The following IL13 variants were observed in gnomAD, a reference collection of about 807,000 sequenced individuals.
IL13 encodes the protein interleukin 13.
In IL13, 9 loss-of-function variants were observed where a neutral mutation model predicts 11.1. That is an observed-to-expected ratio of 0.81 (90% CI 0.49 to 1.42). The LOEUF is 1.42. Ranked by LOEUF, IL13 falls within the 40% of genes most tolerant of loss-of-function variation. The pLI is 0.00. For synonymous variants in IL13, 75 were observed against 76.9 expected (o/e 0.97, Z 0.13); for missense variants, 181 against 182.5 (o/e 0.99, Z 0.05).
Position 132,660,439 on chromosome 5 carries a change from C to A in IL13, c.*157C>A. On this transcript the variant is annotated 3_prime_UTR_variant, in exon 4 of 4. Transcript: ENST00000304506. ...TTAGACCTCAGCCTGTGCTGCCCGT[C>A]TTCAGCCTAGCCGACCTCAGCCTTC... 7.8e-7 allele frequency: 1 copy of A among 1,288,624 alleles called. No individual in the cohort carries two copies. The highest frequency in any genetic ancestry group is 1.0e-6 in the Non-Finnish European group (1 of 970,528). The allele number at this position is 1,288,624 out of a possible 1,614,324, so 79.8% of individuals were successfully genotyped here. A position where few individuals can be genotyped will look rare whatever the true frequency, so the allele number is the denominator to read the frequency against.
chr5:132,658,273 C>A lies in IL13; in HGVS notation c.87C>A (p.Gly29=). 6.2e-7 allele frequency: 1 copy of A among 1,606,448 alleles called. No individual in the cohort carries two copies. Among genetic ancestry groups the A allele is most frequent in the Non-Finnish European group, 8.5e-7 (1 of 1,173,022 alleles). The change falls in exon 1 of 4, where the codon GGC becomes GGA. Residue 29 remains glycine, a synonymous_variant. Coordinates refer to ENST00000304506, the MANE Select transcript of IL13 (RefSeq NM_002188.3). ...LTTVIALTCL[G]GFASPGPVPP... Reference sequence around the variant, plus strand: ...CGGTCATTGCTCTCACTTGCCTTGGCGGCTTTGCCTCCCCAGGCCCTGTGC... The same window carrying A: ...CGGTCATTGCTCTCACTTGCCTTGGAGGCTTTGCCTCCCCAGGCCCTGTGC...
chr5:132,659,793 C>G lies in IL13; in HGVS notation c.298C>G (p.Leu100Val), dbSNP rs200793410. The G allele has an allele frequency of 2.7e-5, 44 of 1,613,810 alleles. No homozygotes were observed. Among genetic ancestry groups the G allele is most frequent in the Non-Finnish European group, 3.6e-5 (43 of 1,180,024 alleles). Residue 100 changes from leucine (L) to valine (V), a missense_variant, in exon 3 of 4, where the codon CTG (leucine) becomes GTG (valine). Coordinates refer to ENST00000304506, the MANE Select transcript of IL13 (RefSeq NM_002188.3). The surrounding 1 kb of genome is among the most constrained non-coding windows in gnomAD (Gnocchi z 4.1). ...CSAIEKTQRM[L>V]SGFCPHKVSA... ...TGCCATCGAGAAGACCCAGAGGATG[C>G]TGAGCGGATTCTGCCCGCACAAGGT...
Position 132,659,511 on chromosome 5 carries a change from C to A in IL13, c.228+40C>A. 6.3e-7 allele frequency: 1 copy of A among 1,587,004 alleles called. No homozygotes were observed. Among genetic ancestry groups the A allele is most frequent in the Non-Finnish European group, 8.6e-7 (1 of 1,158,316 alleles). ...GTGCAGGGAGGATGGGGCAGAGGCT[C>A]CAGGCCTTGGGCTTATCTTCTCTGA... On this transcript the variant is annotated intron_variant, in intron 2 of 3. Transcript: ENST00000304506. The surrounding 1 kb of genome is among the most constrained non-coding windows in gnomAD (Gnocchi z 4.1).
chr5:132,659,260 A>C lies in IL13; in HGVS notation c.175-158A>C. On this transcript the variant is annotated intron_variant, in intron 1 of 3. Transcript: ENST00000304506. The surrounding 1 kb of genome is among the most constrained non-coding windows in gnomAD (Gnocchi z 4.1). ...CCCCTATGCCTGCTGTTCAAAGCAG[A>C]AAACGAAGCTCAGGAATGCTGAGGG... The C allele has an allele frequency of 1.5e-6, 1 of 655,860 alleles. No individual in the cohort carries two copies. The highest frequency in any genetic ancestry group is 2.8e-6 in the Non-Finnish European group (1 of 354,124). 40.6% of individuals were successfully genotyped at this position (655,860 alleles called of 1,614,324 possible).
Position 132,659,595 on chromosome 5 carries a change from A to G in IL13, c.228+124A>G. The G allele has an allele frequency of 1.3e-6, 2 of 1,586,444 alleles. No homozygotes were observed. The highest frequency in any genetic ancestry group is 2.3e-5 in the South Asian group (2 of 88,862). ...TTCAAGTGCTCTCCTCCCTCCCGCCATAATCTGGCCCCTTCCCGCCCACCA... is the reference window on the plus strand; with the variant it reads ...TTCAAGTGCTCTCCTCCCTCCCGCCGTAATCTGGCCCCTTCCCGCCCACCA... On this transcript the variant is annotated intron_variant, in intron 2 of 3. Coordinates refer to ENST00000304506, the MANE Select transcript of IL13 (RefSeq NM_002188.3). The surrounding 1 kb of genome is among the most constrained non-coding windows in gnomAD (Gnocchi z 4.1).
chr5:132,657,498 C>CAAAA (rs560993434), upstream of IL13, among the ~76,000 whole-genome samples: 37 of 151,914 alleles, frequency 2.4e-4, no homozygotes, highest in African/African-American at 8.2e-4. Flanking sequence ...TCCAAAAAAA[C>CAAAA]AAAACAAAAC....
upstream of IL13, chr5:132,657,373 A>G (rs1239972250): frequency 1.3e-5 from 2 of 152,214 alleles, no homozygotes; most frequent in Non-Finnish European, 2.9e-5. Context: ...CTTTAAATTA[A>G]AGGGGCCAGA....
At position 132,659,543 on chromosome 5, in the gene IL13, C is replaced by A. The variant is rs1752107435; in HGVS notation, c.228+72C>A. On this transcript the variant is annotated intron_variant, in intron 2 of 3. Coordinates refer to ENST00000304506, the MANE Select transcript of IL13 (RefSeq NM_002188.3). This position sits in a 1 kb window ranked among gnomAD's most constrained non-coding sequence, Gnocchi z 4.1. Reference sequence around the variant, plus strand: ...TTGGGCTTATCTTCTCTGAGCCTCCCTTCCATGGCTGGGGTTCCAAGCAAG... The same window carrying A: ...TTGGGCTTATCTTCTCTGAGCCTCCATTCCATGGCTGGGGTTCCAAGCAAG... 1.9e-6 allele frequency: 3 copies of A among 1,557,648 alleles called. No individual in the cohort carries two copies. The highest frequency in any genetic ancestry group is 2.6e-6 in the Non-Finnish European group (3 of 1,138,204).
In IL13 at chr5:132,658,311, C is replaced by A. The variant is rs200571678; in HGVS notation, c.125C>A (p.Ala42Asp). Residue 42 changes from alanine to aspartate, a missense_variant, in exon 1 of 4, where the codon GCC (alanine) becomes GAC (aspartate). Coordinates refer to ENST00000304506, the MANE Select transcript of IL13 (RefSeq NM_002188.3). ...CCAGGCCCTGTGCCTCCCTCTACAG[C>A]CCTCAGGGAGCTCATTGAGGAGCTG... ...ASPGPVPPST[A>D]LRELIEELVN... 34 of 1,610,524 alleles carry A rather than the reference C, an allele frequency of 2.1e-5. 1 individual carries two copies. Among genetic ancestry groups the A allele is most frequent in the South Asian group, 2.2e-5 (2 of 90,960 alleles).
chr5:132,660,573 T>C lies in IL13; in HGVS notation c.*291T>C, dbSNP rs904337589. ...CCCTCCCCTGCCCTAGAGCACACTGTAGCATTACAGTGGGTGCCCCCCTTG... is the reference window on the plus strand; with the variant it reads ...CCCTCCCCTGCCCTAGAGCACACTGCAGCATTACAGTGGGTGCCCCCCTTG... On this transcript the variant is annotated 3_prime_UTR_variant, in exon 4 of 4. Transcript: ENST00000304506. 2.4e-5 allele frequency: 8 copies of C among 334,634 alleles called. No individual in the cohort carries two copies. In the South Asian group the frequency reaches 2.6e-4, roughly 11 times the overall value. 20.7% of individuals were successfully genotyped at this position (334,634 alleles called of 1,614,324 possible). A position where few individuals can be genotyped will look rare whatever the true frequency, so the allele number is the denominator to read the frequency against.
chr5:132,656,640 CG>C, upstream of IL13: 1 of 152,838 alleles, frequency 6.5e-6, no homozygotes, highest in African/African-American at 2.4e-5. Context: ...GGTAGTTCCC[CG>C]CTCCTTCCCC....
upstream of IL13, among the ~76,000 whole-genome samples, chr5:132,657,782 T>G (rs1752067148): frequency 6.6e-6 from 1 of 152,228 alleles, no homozygotes; most frequent in Admixed American, 6.5e-5. Context: ...ACAGCCACAG[T>G]GCACTAAGAC....
upstream of IL13, among the ~76,000 whole-genome samples, chr5:132,657,863 G>T (rs889143330): frequency 6.6e-6 from 1 of 152,144 alleles, no homozygotes; most frequent in Non-Finnish European, 1.5e-5. Flanking sequence ...CAGCTGTCCA[G>T]GTACTCAGGG....
Position 132,659,394 on chromosome 5 carries a change from C to G in IL13, c.175-24C>G. ...GCCCACAACCCCTGCCAGCACTCTG[C>G]TCACTGTCACTTTGCTCCCACAGGC... is the stretch of plus-strand genomic sequence containing the variant. On this transcript the variant is annotated intron_variant, in intron 1 of 3. Coordinates refer to ENST00000304506, the MANE Select transcript of IL13 (RefSeq NM_002188.3). The surrounding 1 kb of genome is among the most constrained non-coding windows in gnomAD (Gnocchi z 4.1). 6.3e-7 allele frequency: 1 copy of G among 1,585,124 alleles called. No individual in the cohort carries two copies.
rs1404846102 is a variant in IL13, at chr5:132,659,888, C to T, written c.333+60C>T. 25 of 1,586,162 alleles carry T rather than the reference C, an allele frequency of 1.6e-5. No homozygotes were observed. The highest frequency in any genetic ancestry group is 3.5e-5 in the Admixed American group (2 of 56,914). Reference sequence around the variant, plus strand: ...CACCCCCTCCTGCCAACCCTGGGCTCGCTGAAGGGAAGCTGGCTGAATATC... The same window carrying T: ...CACCCCCTCCTGCCAACCCTGGGCTTGCTGAAGGGAAGCTGGCTGAATATC... On this transcript the variant is annotated intron_variant, in intron 3 of 3. Transcript: ENST00000304506. The surrounding 1 kb of genome is among the most constrained non-coding windows in gnomAD (Gnocchi z 4.1).
chr5:132,660,319 T>C lies in IL13; in HGVS notation c.*37T>C, dbSNP rs2069749. 535 of 1,603,402 alleles carry C rather than the reference T, an allele frequency of 3.3e-4. 5 individuals carry two copies. In the African/African-American group the frequency reaches 6.4e-3, roughly 19 times the overall value. On this transcript the variant is annotated 3_prime_UTR_variant, in exon 4 of 4. Transcript: ENST00000304506. The stretch of plus-strand genomic sequence containing the variant: ...CATCATTATTTGCAGAGACAGGACC[T>C]GACTATTGAAGTTGCAGATTCATTT...
rs1752125049 is a variant in IL13, at chr5:132,660,218, C to T, written c.377C>T (p.Ala126Val). Residue 126 changes from alanine (A) to valine (V), a missense_variant, in exon 4 of 4, where the codon GCC becomes GTC. Ala to Val is a moderately conservative substitution (Grantham distance 64). Coordinates refer to ENST00000304506, the MANE Select transcript of IL13 (RefSeq NM_002188.3). The part of the protein sequence containing the change: ...LHVRDTKIEV[A>V]QFVKDLLLHL... ...GTCCGAGACACCAAAATCGAGGTGGCCCAGTTTGTAAAGGACCTGCTCTTA... is the reference window on the plus strand; with the variant it reads ...GTCCGAGACACCAAAATCGAGGTGGTCCAGTTTGTAAAGGACCTGCTCTTA... 2 of 1,614,114 alleles carry T rather than the reference C, an allele frequency of 1.2e-6. No individual in the cohort carries two copies. The highest frequency in any genetic ancestry group is 4.5e-5 in the East Asian group (2 of 44,886).
chr5:132,659,496 G>C lies in IL13; in HGVS notation c.228+25G>C. ...GGTAAGGACCTTTGGGTGCAGGGAG[G>C]ATGGGGCAGAGGCTCCAGGCCTTGG... is the stretch of plus-strand genomic sequence containing the variant. On this transcript the variant is annotated intron_variant, in intron 2 of 3. Coordinates refer to ENST00000304506, the MANE Select transcript of IL13 (RefSeq NM_002188.3). This position sits in a 1 kb window ranked among gnomAD's most constrained non-coding sequence, Gnocchi z 4.1. 6.3e-7 allele frequency: 1 copy of C among 1,599,746 alleles called. No homozygotes were observed.
chr5:132,660,541 C>G lies in IL13; in HGVS notation c.*259C>G. 2.2e-6 allele frequency: 1 copy of G among 451,336 alleles called. No homozygotes were observed. Among genetic ancestry groups the G allele is most frequent in the South Asian group, 2.3e-5 (1 of 43,568 alleles). The allele number at this position is 451,336 out of a possible 1,614,324, so 28.0% of individuals were successfully genotyped here. A position where few individuals can be genotyped will look rare whatever the true frequency, so the allele number is the denominator to read the frequency against. ...TCGGTGGACCCAGGGATGACATGTCCCTACACCCCTCCCCTGCCCTAGAGC... is the reference window on the plus strand; with the variant it reads ...TCGGTGGACCCAGGGATGACATGTCGCTACACCCCTCCCCTGCCCTAGAGC... On this transcript the variant is annotated 3_prime_UTR_variant, in exon 4 of 4. Coordinates refer to ENST00000304506, the MANE Select transcript of IL13 (RefSeq NM_002188.3).
Sources: gnomAD v4.1 joint callset for allele counts (sites outside exome capture counted in the v4.1 genomes callset) on GRCh38, gnomAD v4.1.1 for gene constraint, Gnocchi (gnomAD v3.1) non-coding constraint, MANE v1.5 for transcripts, NCBI Gene and HGNC (gene_info 2026-07-23, HGNC 2026-07-21) for gene names.